CUL4A: variants seen among roughly 807,000 people sequenced by gnomAD.
CUL4A encodes the protein cullin 4A, also known as cullin-4A.
A neutral mutation model predicts 95.5 loss-of-function variants in CUL4A; 16 were observed. The ratio of observed to expected loss-of-function variants is 0.17; its 90% CI spans 0.11 to 0.25. CUL4A has a LOEUF of 0.25. CUL4A is among the 10% of genes least tolerant of loss of function. The pLI is 1.00. For missense variants in CUL4A, 610 were observed against 937.0 expected (o/e 0.65, Z 4.56); for synonymous variants, 380 against 353.1 (o/e 1.08, Z -0.85).
chr13:113,228,171 C>A, intron 4 of CUL4A, 126 bp downstream of exon 4: 1 of 721,604 alleles, frequency 1.4e-6, no homozygotes, highest in Non-Finnish European at 2.4e-6. Context: ...GGTTGAACAG[C>A]ACGATGAGAA....
chr13:113,227,475 C>G (rs1293074976), intron 3 of CUL4A, among the ~76,000 whole-genome samples: 1 of 152,340 alleles, frequency 6.6e-6, no homozygotes, highest in Admixed American at 6.5e-5. Context: ...CTCCTAACAC[C>G]ATTACCGTAG....
At position 113,228,060 on chromosome 13, in the gene CUL4A, T is replaced by C; in HGVS notation, c.438+15T>C. 1 of 1,602,022 alleles carries C rather than the reference T, an allele frequency of 6.2e-7. No individual in the cohort carries two copies. Among genetic ancestry groups the C allele is most frequent in the Non-Finnish European group, 8.6e-7 (1 of 1,169,322 alleles). Reference sequence around the variant, plus strand: ...GCAGACAAATGGTAAGCTTGTTCACTTTTTCATCAAAACACGACCTCATCC... The same window carrying C: ...GCAGACAAATGGTAAGCTTGTTCACCTTTTCATCAAAACACGACCTCATCC... On this transcript the variant is annotated intron_variant, in intron 4 of 19. Transcript: ENST00000375440.
chr13:113,234,374 G>A (rs2041466577), intron 7 of CUL4A, among the ~76,000 whole-genome samples: 1 of 152,156 alleles, frequency 6.6e-6, no homozygotes, highest in Non-Finnish European at 1.5e-5. Context: ...GAAAAAACAT[G>A]TAGTAGTAAT....
At chr13:113,259,987 C>T (rs1431450917) in intron 18 of CUL4A, among the ~76,000 whole-genome samples, 3 of 147,788 alleles carry the variant, frequency 2.0e-5, no homozygotes, top group East Asian at 2.1e-4. Flanking sequence ...AGGTGGATCA[C>T]GAGGTCAGGA....
intron 3 of CUL4A, among the ~76,000 whole-genome samples, chr13:113,220,583 C>T (rs1031283702): frequency 6.6e-6 from 1 of 152,208 alleles, no homozygotes; most frequent in Non-Finnish European, 1.5e-5. Flanking sequence ...TAGCAGATGC[C>T]CAAGCCTTCT....
At chr13:113,232,917 T>TA (rs2041408071) in intron 5 of CUL4A, among the ~76,000 whole-genome samples, 5 of 152,160 alleles carry the variant, frequency 3.3e-5, no homozygotes, top group Admixed American at 3.3e-4. Context: ...GCTTGTGTGA[T>TA]ACCAGTTTTA....
At chr13:113,245,085 C>T (rs1490012166) in intron 13 of CUL4A, 26 bp downstream of exon 13, 57 of 1,608,974 alleles carry the variant, frequency 3.5e-5, no homozygotes, top group Non-Finnish European at 4.8e-5. Context: ...CTGGGCTCCT[C>T]CCCTGTAACT....
chr13:113,255,248 G>A (rs1416761584), intron 18 of CUL4A, 123 bp downstream of exon 18: 2 of 667,124 alleles, frequency 3.0e-6, no homozygotes, highest in East Asian at 5.5e-5. Flanking sequence ...ATTTCACTAT[G>A]TAATGTTTAT....
At chr13:113,209,049 G>GAGGAGA (rs1365219195), upstream of CUL4A, 2 of 311,766 alleles carry the variant, frequency 6.4e-6, no homozygotes, top group African/African-American at 4.6e-5. Flanking sequence ...GGAGGGGGAG[G>GAGGAGA]GGGAGGGACA....
chr13:113,223,700 T>A (rs2040989940), intron 3 of CUL4A, among the ~76,000 whole-genome samples: 2 of 152,188 alleles, frequency 1.3e-5, no homozygotes, highest in African/African-American at 4.8e-5. Flanking sequence ...CCCGGCCAGA[T>A]TTAAGTAATG....
intron 16 of CUL4A, 113 bp downstream of exon 16, chr13:113,253,308 C>T (rs1279043428): frequency 2.2e-6 from 1 of 454,438 alleles, no homozygotes; most frequent in Admixed American, 4.1e-5. Flanking sequence ...AATTCACTAG[C>T]TTTTATAAGT....
In CUL4A at chr13:113,264,653, A is replaced by T. The variant is rs2139325281; in HGVS notation, c.*1071A>T. ...AAGATACTTTTGAGATAACATTTAA[A>T]AGTACTTTATATTTTACATAATAGC... On this transcript the variant is annotated 3_prime_UTR_variant, in exon 20 of 20. Coordinates refer to ENST00000375440, the MANE Select transcript of CUL4A (RefSeq NM_001008895.4). 6.5e-6 allele frequency: 1 copy of T among 152,794 alleles called. No individual in the cohort carries two copies. Among genetic ancestry groups the T allele is most frequent in the Admixed American group, 6.5e-5 (1 of 15,306 alleles). 9.5% of individuals were successfully genotyped at this position (152,794 alleles called of 1,614,324 possible).
At position 113,243,055 on chromosome 13, in the gene CUL4A, G is replaced by A. The variant is rs769425622; in HGVS notation, c.1123G>A (p.Val375Met). 5.0e-6 allele frequency: 8 copies of A among 1,614,192 alleles called. No homozygotes were observed. Among genetic ancestry groups the A allele is most frequent in the Admixed American group, 3.3e-5 (2 of 60,030 alleles). ...GGACTTCAAGGACAAGGTGGACCAC[G>A]TGATCGAGGTCTGCTTCCAGAAGAA... is the stretch of plus-strand genomic sequence containing the variant. ...LLDFKDKVDH[V>M]IEVCFQKNER... Residue 375 changes from valine to methionine, a missense_variant, in exon 11 of 20, where the codon GTG becomes ATG. Around this residue, in one of 10 missense-constraint regions of CUL4A, gnomAD observed 153 missense variants for 244.5 expected, o/e 0.63. Coordinates refer to ENST00000375440, the MANE Select transcript of CUL4A (RefSeq NM_001008895.4).
chr13:113,245,377 CAT>C, intron 14 of CUL4A, 140 bp downstream of exon 14: 1 of 735,850 alleles, frequency 1.4e-6, no homozygotes, highest in Non-Finnish European at 2.3e-6. Flanking sequence ...CCCTGATCAA[CAT>C]AGCAAGACCC....
chr13:113,208,640 C>T, upstream of CUL4A: 6 of 1,605,946 alleles, frequency 3.7e-6, no homozygotes, highest in Non-Finnish European at 5.1e-6. Context: ...GCCATGGGAG[C>T]GCCGCCGAAC....
chr13:113,248,787 T>TA (rs1469156922), intron 15 of CUL4A, among the ~76,000 whole-genome samples: 2 of 152,252 alleles, frequency 1.3e-5, no homozygotes, highest in African/African-American at 4.8e-5. Context: ...AAATAGTTGT[T>TA]ACACTGTATT....
intron 5 of CUL4A, among the ~76,000 whole-genome samples, chr13:113,231,752 A>G (rs937853558): frequency 5.3e-5 from 8 of 152,192 alleles, no homozygotes; most frequent in African/African-American, 1.9e-4. Flanking sequence ...CCTCGAGCCC[A>G]CAAGTCTGGC....
chr13:113,247,281 A>C (rs903980893), intron 15 of CUL4A, among the ~76,000 whole-genome samples: 2 of 152,152 alleles, frequency 1.3e-5, no homozygotes, highest in Non-Finnish European at 2.9e-5. Flanking sequence ...CAGACCCCCA[A>C]ACTCTTATCA....
At chr13:113,238,599 T>G (rs1309915826) in intron 9 of CUL4A, among the ~76,000 whole-genome samples, 6 of 152,208 alleles carry the variant, frequency 3.9e-5, no homozygotes, top group Non-Finnish European at 8.8e-5. Flanking sequence ...AAAGATACTT[T>G]TGAATTCTTA....
Sources: gnomAD v4.1 joint callset for allele counts (sites outside exome capture counted in the v4.1 genomes callset) on GRCh38, gnomAD v4.1.1 for gene constraint, gnomAD v4.1.1 regional missense constraint, MANE v1.5 for transcripts, NCBI Gene and HGNC (gene_info 2026-07-23, HGNC 2026-07-21) for gene names.